CFAP47: variants seen among roughly 807,000 people sequenced by gnomAD.
CFAP47 encodes cilia and flagella associated protein 47.
Under a neutral mutation model 148.1 loss-of-function variants are expected in CFAP47, and 29 were observed. That is an observed-to-expected ratio of 0.20 (90% CI 0.15 to 0.27). The LOEUF (loss-of-function observed/expected upper bound fraction) is 0.27. Ranked by LOEUF, CFAP47 falls within the 10% of genes least tolerant of loss-of-function variation. The pLI, the probability that CFAP47 is intolerant of heterozygous loss-of-function variation, is 1.00. For missense variants in CFAP47, 1,872 were observed against 1,697.5 expected (o/e 1.10, Z -1.81); for synonymous variants, 664 against 577.3 (o/e 1.15, Z -2.15).
At chrX:35,929,356 C>T (rs1228233887) in intron 2 of CFAP47, among the ~76,000 whole-genome samples, 2 of 111,864 alleles carry the variant, frequency 1.8e-5, no homozygotes, top group Non-Finnish European at 3.8e-5. Flanking sequence ...ATTTTCAGCC[C>T]AGAGATTCTC....
chrX:36,020,685 A>C (rs1937147737), intron 22 of CFAP47, among the ~76,000 whole-genome samples: 1 of 111,763 alleles, frequency 8.9e-6, no homozygotes, highest in Admixed American at 9.5e-5. Flanking sequence ...TGTTGGAATG[A>C]AATATCTTTT....
chrX:36,002,352 C>T (rs927556621), intron 21 of CFAP47, among the ~76,000 whole-genome samples: 1 of 110,589 alleles, frequency 9.0e-6, no homozygotes, highest in Non-Finnish European at 1.9e-5. Flanking sequence ...TTTGGGAGGC[C>T]GATGCCAGCG....
intron 63 of CFAP47, among the ~76,000 whole-genome samples, chrX:36,382,102 A>G (rs782707338): frequency 9.0e-6 from 1 of 111,161 alleles, no homozygotes; most frequent in Admixed American, 9.7e-5. Context: ...CATATTTGCT[A>G]TGTGATCTCA....
At chrX:35,986,925 C>T (rs1936723322) in intron 15 of CFAP47, among the ~76,000 whole-genome samples, 1 of 111,529 alleles carries the variant, frequency 9.0e-6, no homozygotes, top group Non-Finnish European at 1.9e-5. Flanking sequence ...GCCTGGGTAT[C>T]ACCAGCGGAG....
At chrX:35,941,996 C>G (rs1192650478) in intron 3 of CFAP47, among the ~76,000 whole-genome samples, 1 of 107,118 alleles carries the variant, frequency 9.3e-6, no homozygotes, top group Non-Finnish European at 1.9e-5. Context: ...TTACTGTGGC[C>G]TAAGAGTTTA....
chrX:35,919,756 C>A lies in CFAP47; in HGVS notation c.-44C>A. ...GACGGTCGTCGACGCTAATCCTTGGCCGGACGGATCCACATCTGTTTTCTG... is the reference window on the plus strand; with the variant it reads ...GACGGTCGTCGACGCTAATCCTTGGACGGACGGATCCACATCTGTTTTCTG... On this transcript the variant is annotated 5_prime_UTR_variant, in exon 1 of 64. Transcript: ENST00000378653. The A allele has an allele frequency of 3.4e-6, 4 of 1,165,646 alleles. No individual in the cohort carries two copies. Among genetic ancestry groups the A allele is most frequent in the Non-Finnish European group, 4.6e-6 (4 of 868,554 alleles).
chrX:36,384,065 G>C (rs999414128), intron 63 of CFAP47, among the ~76,000 whole-genome samples: 1 of 111,909 alleles, frequency 8.9e-6, no homozygotes, highest in Non-Finnish European at 1.9e-5. Flanking sequence ...TATGGGCTGG[G>C]TGCGGTGGCT....
In CFAP47 at chrX:35,933,127, G is replaced by T. The variant is rs1935856012; in HGVS notation, c.401+6959G>T. ...TACAATTAAATTATTTTTTACTGTGGTCATCTTGTTGTGATAGTAAATACT... is the reference window on the plus strand; with the variant it reads ...TACAATTAAATTATTTTTTACTGTGTTCATCTTGTTGTGATAGTAAATACT... On this transcript the variant is annotated intron_variant, in intron 2 of 63. Coordinates refer to ENST00000378653, the MANE Select transcript of CFAP47 (RefSeq NM_001304548.2). 2.7e-5 allele frequency among the ~76,000 whole-genome samples: 3 copies of T among 110,970 alleles called. No individual in the cohort carries two copies. In the Admixed American group the frequency reaches 2.9e-4, roughly 11 times the overall value.
chrX:36,271,857 C>T (rs1382439932), intron 49 of CFAP47, among the ~76,000 whole-genome samples: 1 of 111,257 alleles, frequency 9.0e-6, no homozygotes, highest in African/African-American at 3.3e-5. Flanking sequence ...AACAATACCC[C>T]AAAGAAGTCA....
At chrX:36,026,780 T>C (rs1164476844) in intron 22 of CFAP47, among the ~76,000 whole-genome samples, 1 of 110,336 alleles carries the variant, frequency 9.1e-6, no homozygotes, top group South Asian at 3.8e-4. Flanking sequence ...TCTGATCAAG[T>C]CCATCATTAA....
chrX:36,277,795 T>C (rs1556002912), intron 49 of CFAP47, among the ~76,000 whole-genome samples: 2 of 112,028 alleles, frequency 1.8e-5, no homozygotes. Context: ...AGCACAAATA[T>C]AGAATATTAC....
chrX:36,023,422 TCA>T (rs751733154), intron 22 of CFAP47, among the ~76,000 whole-genome samples: 1 of 111,380 alleles, frequency 9.0e-6, no homozygotes, highest in Non-Finnish European at 1.9e-5. Context: ...AGCACAGCAC[TCA>T]GTTTCACCCA....
Position 36,098,807 on chromosome X carries a change from G to A in CFAP47, c.4931G>A (p.Cys1644Tyr). 8.5e-7 allele frequency: 1 copy of A among 1,175,872 alleles called. No homozygotes were observed. The highest frequency in any genetic ancestry group is 1.9e-5 in the South Asian group (1 of 54,020). ...TTTAATTTTAGTGCTCAAGGAGGAT[G>A]TATTTCACATGTCCTGCCAGAATTT... ...LLDFLNAQGGCISHVLPEFLL... is the reference protein window; with the variant it reads ...LLDFLNAQGGYISHVLPEFLL... Residue 1644 changes from cysteine (C) to tyrosine (Y), a missense_variant, in exon 31 of 64, where the codon TGT becomes TAT. Coordinates refer to ENST00000378653, the MANE Select transcript of CFAP47 (RefSeq NM_001304548.2).
intron 52 of CFAP47, among the ~76,000 whole-genome samples, chrX:36,299,620 G>A (rs1941278485): frequency 9.0e-6 from 1 of 111,565 alleles, no homozygotes; most frequent in Non-Finnish European, 1.9e-5. Context: ...TCTGCTAACT[G>A]AAATTTTGCA....
intron 7 of CFAP47, 35 bp from the exon 8 acceptor site, chrX:35,955,926 C>T: frequency 8.3e-7 from 1 of 1,200,568 alleles, no homozygotes; most frequent in Non-Finnish European, 1.1e-6. Context: ...TCCCCAAACA[C>T]TTTTTATGTT....
chrX:36,301,241 G>C, intron 53 of CFAP47, 62 bp downstream of exon 53: 1 of 618,752 alleles, frequency 1.6e-6, no homozygotes, highest in Non-Finnish European at 2.5e-6. Context: ...CTATTACAAT[G>C]TTGTTATAAT....
At chrX:35,951,730 T>C in intron 5 of CFAP47, 73 bp from the exon 6 acceptor site, 1 of 983,257 alleles carries the variant, frequency 1.0e-6, no homozygotes, top group Non-Finnish European at 1.3e-6. Flanking sequence ...TTTCAATAAT[T>C]ATTTTGTAAC....
At chrX:36,149,279 GTTATAA>G (rs1356715779) in intron 37 of CFAP47, 56 bp downstream of exon 37, 1 of 278,736 alleles carries the variant, frequency 3.6e-6, no homozygotes, top group African/African-American at 2.8e-5. Flanking sequence ...AATATTTAAT[GTTATAA>G]TTATAAAATG....
chrX:35,924,445 C>A (rs780786152), intron 1 of CFAP47, among the ~76,000 whole-genome samples: 4 of 101,612 alleles, frequency 3.9e-5, no homozygotes, highest in South Asian at 4.3e-4. Context: ...ATATGTACAC[C>A]TATATGTGTA....
Sources: gnomAD v4.1 joint callset for allele counts (sites outside exome capture counted in the v4.1 genomes callset) on GRCh38, gnomAD v4.1.1 for gene constraint, MANE v1.5 for transcripts, NCBI Gene and HGNC (gene_info 2026-07-23, HGNC 2026-07-21) for gene names.